Variants in RYR1 observed in about 807,000 individuals in gnomAD.
The protein encoded by RYR1 is ryanodine receptor 1.
In RYR1, 342 loss-of-function variants were observed where a neutral mutation model predicts 583.5. The ratio of observed to expected loss-of-function variants is 0.59; its 90% CI spans 0.54 to 0.64. The LOEUF (loss-of-function observed/expected upper bound fraction) is 0.64, where lower values mean the gene tolerates loss of function less well. Ranked by LOEUF, RYR1 falls within the 30% of genes least tolerant of loss-of-function variation. RYR1 has a pLI of 0.00. For synonymous variants in RYR1, 2,791 were observed against 2,822.5 expected, an observed-to-expected ratio of 0.99 and a Z score of 0.35; for missense variants, 6,032 against 6,917.2, an observed-to-expected ratio of 0.87 and a Z score of 4.54.
At chr19:38,580,153 G>T in intron 100 of RYR1, 25 bp downstream of exon 100, 1 of 1,613,990 alleles carries the variant, frequency 6.2e-7, no homozygotes. Context: ...TGGCTGTGGG[G>T]CGTGGGCCAG....
In RYR1 at chr19:38,433,746, G is replaced by GGCCC; in HGVS notation, c.-84_-83insGCCC. ...GTGTCTCCAGAGGTCTCCGACCCCA[G>GGCCC]CCCGCCCCCAGCCCTCCCGCCCAGC... On this transcript the variant is annotated 5_prime_UTR_variant, in exon 1 of 106. Transcript: ENST00000359596. 58 of 520,670 alleles carry GGCCC rather than the reference G, an allele frequency of 1.1e-4. No homozygotes were observed. The highest frequency in any genetic ancestry group is 1.4e-4 in the Non-Finnish European group (39 of 269,316). The allele number at this position is 520,670 out of a possible 1,614,324, so 32.3% of individuals were successfully genotyped here.
At chr19:38,472,486 G>C (rs1968475053) in intron 27 of RYR1, among the ~76,000 whole-genome samples, 4 of 152,158 alleles carry the variant, frequency 2.6e-5, no homozygotes. Flanking sequence ...CTGGTAGAAA[G>C]AAAATGACTT....
At chr19:38,529,193 C>G (rs1334516899) in intron 76 of RYR1, 136 bp downstream of exon 76, 3 of 875,556 alleles carry the variant, frequency 3.4e-6, no homozygotes, top group Non-Finnish European at 5.6e-6. Flanking sequence ...TTAAATATCA[C>G]TTTGCTGGTC....
intron 11 of RYR1, among the ~76,000 whole-genome samples, chr19:38,449,493 A>G (rs758584737): frequency 1.3e-5 from 2 of 152,154 alleles, no homozygotes; most frequent in Non-Finnish European, 2.9e-5. Flanking sequence ...AACAAAAACA[A>G]AAACAGAGAG....
At chr19:38,481,340 C>A (rs1462680062) in intron 31 of RYR1, among the ~76,000 whole-genome samples, 2 of 152,018 alleles carry the variant, frequency 1.3e-5, no homozygotes, top group Non-Finnish European at 2.9e-5. Context: ...TTGCCCAGGC[C>A]AGTCTTGAAC....
chr19:38,440,162 C>T (rs912640169), intron 1 of RYR1, among the ~76,000 whole-genome samples: 6 of 152,182 alleles, frequency 3.9e-5, no homozygotes, highest in African/African-American at 1.4e-4. Flanking sequence ...CACAACAGTT[C>T]ATGCCTGTAG....
chr19:38,438,950 A>G (rs1370971858), intron 1 of RYR1, among the ~76,000 whole-genome samples: 1 of 151,404 alleles, frequency 6.6e-6, no homozygotes, highest in Admixed American at 6.6e-5. Flanking sequence ...GGCTCAAGTA[A>G]TCCTTCTGCC....
At chr19:38,551,741 G>A (rs1972675635) in intron 89 of RYR1, among the ~76,000 whole-genome samples, 1 of 151,974 alleles carries the variant, frequency 6.6e-6, no homozygotes, top group African/African-American at 2.4e-5. Flanking sequence ...AACCCTGAGG[G>A]GCAATGCCTG....
chr19:38,538,315 G>T (rs1026448029), intron 84 of RYR1, among the ~76,000 whole-genome samples: 3 of 152,112 alleles, frequency 2.0e-5, no homozygotes, highest in African/African-American at 7.2e-5. Context: ...CAGGAGAATC[G>T]CTTGAACCCA....
chr19:38,474,704 A>G (rs973972338), intron 28 of RYR1, among the ~76,000 whole-genome samples: 7 of 145,918 alleles, frequency 4.8e-5, no homozygotes, highest in African/African-American at 1.8e-4. Flanking sequence ...CCTCTTGAGT[A>G]TCTGGGACTA....
At chr19:38,574,426 T>C (rs1973866512) in intron 96 of RYR1, among the ~76,000 whole-genome samples, 1 of 151,352 alleles carries the variant, frequency 6.6e-6, no homozygotes, top group South Asian at 2.1e-4. Flanking sequence ...AAGACCAGCC[T>C]GGACAACATA....
In RYR1 at chr19:38,468,212, C is replaced by T. The variant is rs544737831; in HGVS notation, c.3381+400C>T. Among the ~76,000 whole-genome samples, 3 of 151,836 alleles carry T rather than the reference C, an allele frequency of 2.0e-5. No homozygotes were observed. The South Asian group carries it at 6.2e-4, about 32-fold the overall frequency. The stretch of plus-strand genomic sequence containing the variant: ...AGCATGCACATATAGTCCCATCATC[C>T]ATCCATCCATCCATCCATCCATCCA... On this transcript the variant is annotated intron_variant, in intron 25 of 105. Coordinates refer to ENST00000359596, the MANE Select transcript of RYR1 (RefSeq NM_000540.3).
At position 38,534,774 on chromosome 19, in the gene RYR1, C is replaced by G. The variant is rs763112609; in HGVS notation, c.11314C>G (p.Arg3772Gly). ...GTACCAGCAAGCACGGCTGCACACC[C>G]GGGGGGCGGCCGAGATGGTGCTGCA... ...LLYQQARLHTRGAAEMVLQMI... is the reference protein window; with the variant it reads ...LLYQQARLHTGGAAEMVLQMI... The change falls in exon 79 of 106, where the codon CGG (arginine) becomes GGG (glycine). Residue 3772 changes from arginine (R) to glycine (G), a missense_variant. Transcript: ENST00000359596. 6.2e-7 allele frequency: 1 copy of G among 1,613,878 alleles called. No individual in the cohort carries two copies. Among genetic ancestry groups the G allele is most frequent in the Non-Finnish European group, 8.5e-7 (1 of 1,179,976 alleles).
intron 37 of RYR1, among the ~76,000 whole-genome samples, chr19:38,491,898 AAC>A (rs1215264265): frequency 2.0e-5 from 3 of 152,182 alleles, no homozygotes; most frequent in Admixed American, 1.3e-4. Flanking sequence ...TCTATATTTT[AAC>A]AGTCTGCCTT....
At chr19:38,529,114 G>A in intron 76 of RYR1, 57 bp downstream of exon 76, 7 of 1,565,670 alleles carry the variant, frequency 4.5e-6, no homozygotes, top group Non-Finnish European at 6.1e-6. Flanking sequence ...GCCACCCCCA[G>A]CCCAGCAGCT....
Position 38,578,023 on chromosome 19 carries a change from A to G in RYR1, c.14278A>G (p.Asn4760Asp). 2 of 1,614,122 alleles carry G rather than the reference A, an allele frequency of 1.2e-6. No individual in the cohort carries two copies. Among genetic ancestry groups the G allele is most frequent in the African/African-American group, 2.7e-5 (2 of 75,012 alleles). Residue 4760 changes from asparagine to aspartate, a missense_variant, in exon 98 of 106, where the codon AAC becomes GAC. This residue lies in a region of RYR1 where 188 missense variants were observed against 215.6 expected (regional missense o/e 0.87). Transcript: ENST00000359596. ...CACAGCCCACAATGAGCGCAAGCCC[A>G]ACCCGCCGCCAGGGCTGCTGACCTG... ...EITAHNERKP[N>D]PPPGLLTWLM... is the part of the protein sequence containing the mutation.
In RYR1 at chr19:38,490,084, C is replaced by A. The variant is rs897579944; in HGVS notation, c.5823C>A (p.His1941Gln). The A allele has an allele frequency of 4.3e-6, 7 of 1,613,960 alleles. No homozygotes were observed. Among genetic ancestry groups the A allele is most frequent in the Non-Finnish European group, 3.4e-6 (4 of 1,180,046 alleles). The stretch of plus-strand genomic sequence containing the variant: ...CGGCTGTCCTTCCACAGATGTGCCA[C>A]CTGCTGGAGTATTTCTGTGACCAAG... ...LPESVKLQMC[H>Q]LLEYFCDQEL... The change falls in exon 36 of 106, where the codon CAC (histidine) becomes CAA (glutamine). Residue 1941 changes from histidine to glutamine, a missense_variant. By Grantham distance (24) the His-to-Gln change is conservative. Coordinates refer to ENST00000359596, the MANE Select transcript of RYR1 (RefSeq NM_000540.3).
intron 12 of RYR1, 81 bp from the exon 13 acceptor site, chr19:38,452,738 C>CTTGCGGGAGTGAGG (rs1600667324): frequency 3.7e-6 from 5 of 1,335,572 alleles, no homozygotes; most frequent in East Asian, 2.5e-5. Context: ...CTGGGGGAGT[C>CTTGCGGGAGTGAGG]TTGCGGGAGT....
In RYR1 at chr19:38,517,464, C is replaced by G; in HGVS notation, c.9791C>G (p.Thr3264Arg). The stretch of plus-strand genomic sequence containing the variant: ...CTGGCCGAGTCAGGTGCCCGCTACA[C>G]AGAGATGCCGCATGTCATCGAGATC... ...GGLAESGARYTEMPHVIEITL... is the reference protein window; with the variant it reads ...GGLAESGARYREMPHVIEITL... Residue 3264 changes from threonine (T) to arginine (R), a missense_variant, in exon 66 of 106, where the codon ACA (threonine) becomes AGA (arginine). Coordinates refer to ENST00000359596, the MANE Select transcript of RYR1 (RefSeq NM_000540.3). 6.2e-7 allele frequency: 1 copy of G among 1,614,102 alleles called. No homozygotes were observed. The highest frequency in any genetic ancestry group is 1.1e-5 in the South Asian group (1 of 91,084).
Sources: allele counts gnomAD v4.1 joint callset (sites outside exome capture counted in the v4.1 genomes callset), GRCh38; gene constraint gnomAD v4.1.1; regional missense constraint gnomAD v4.1.1; transcripts MANE v1.5; gene names NCBI Gene and HGNC (gene_info 2026-07-23, HGNC 2026-07-21).